KIAA1328: variants seen among roughly 807,000 people sequenced by gnomAD.
KIAA1328 encodes KIAA1328.
KIAA1328 carries 52 observed loss-of-function variants against 68.1 expected under a neutral mutation model. The ratio of observed to expected loss-of-function variants is 0.76; its 90% confidence interval spans 0.61 to 0.96. KIAA1328 has a LOEUF of 0.96. Ranked by LOEUF, KIAA1328 falls within the 40% of genes least tolerant of loss-of-function variation. The pLI is 0.00. For synonymous variants in KIAA1328, 232 were observed against 239.4 expected, an observed-to-expected ratio of 0.97 and a Z score of 0.28; for missense variants, 641 against 677.6, an observed-to-expected ratio of 0.95 and a Z score of 0.60.
intron 7 of KIAA1328, among the ~76,000 whole-genome samples, chr18:37,072,790 C>T (rs904565571): frequency 1.3e-5 from 2 of 152,082 alleles, no homozygotes; most frequent in African/African-American, 4.8e-5. Flanking sequence ...CCCCAACAGG[C>T]TCTGGTGTGT....
At chr18:37,192,516 G>A (rs886431102) in intron 9 of KIAA1328, among the ~76,000 whole-genome samples, 1 of 152,154 alleles carries the variant, frequency 6.6e-6, no homozygotes, top group Non-Finnish European at 1.5e-5. Context: ...AATTTACAAA[G>A]CAGGCACTTC....
At chr18:37,015,817 A>G (rs1340450747) in intron 6 of KIAA1328, among the ~76,000 whole-genome samples, 1 of 152,214 alleles carries the variant, frequency 6.6e-6, no homozygotes, top group African/African-American at 2.4e-5. Flanking sequence ...TTGTTGGTGT[A>G]TAGAAATGCT....
rs1025374678 is a variant in KIAA1328, at chr18:36,866,578, A to C, written c.333-18979A>C. ...ATGAACAAACACATTATATTTATAT[A>C]CTTTTTTCCCAATTATATCATATAA... On this transcript the variant is annotated intron_variant, in intron 4 of 9. Coordinates refer to ENST00000280020, the MANE Select transcript of KIAA1328 (RefSeq NM_020776.3). 2.1e-4 allele frequency among the ~76,000 whole-genome samples: 32 copies of C among 152,236 alleles called. 1 individual carries two copies. Among genetic ancestry groups the C allele is most frequent in the African/African-American group, 5.1e-4 (21 of 41,472 alleles).
At chr18:36,898,810 A>G (rs1369978077) in intron 5 of KIAA1328, among the ~76,000 whole-genome samples, 2 of 151,974 alleles carry the variant, frequency 1.3e-5, no homozygotes, top group Non-Finnish European at 2.9e-5. Context: ...TCCATTGTTG[A>G]ACTTAAAAAC....
At chr18:36,968,361 G>A (rs2052029717) in intron 6 of KIAA1328, among the ~76,000 whole-genome samples, 1 of 152,124 alleles carries the variant, frequency 6.6e-6, no homozygotes. Context: ...GGTATGTTGT[G>A]TTCAAGAGAC....
chr18:36,847,982 A>C (rs535019086), intron 4 of KIAA1328, among the ~76,000 whole-genome samples: 81 of 151,806 alleles, frequency 5.3e-4, no homozygotes, highest in Non-Finnish European at 1.0e-3. Flanking sequence ...TGACTTGATT[A>C]ATTTTATGTT....
chr18:36,980,576 A>AT (rs969961689), intron 6 of KIAA1328, among the ~76,000 whole-genome samples: 6 of 152,120 alleles, frequency 3.9e-5, no homozygotes, highest in Middle Eastern at 3.2e-3. Flanking sequence ...ATATCTGGTG[A>AT]TTTTTTTACC....
chr18:37,028,398 TTG>T (rs1473115589), intron 6 of KIAA1328, among the ~76,000 whole-genome samples: 1 of 152,140 alleles, frequency 6.6e-6, no homozygotes, highest in Non-Finnish European at 1.5e-5. Context: ...TCCTGAAACT[TTG>T]TTGAAGTTGT....
At chr18:37,212,675 A>C (rs541358049) in intron 9 of KIAA1328, among the ~76,000 whole-genome samples, 1 of 152,266 alleles carries the variant, frequency 6.6e-6, no homozygotes, top group African/African-American at 2.4e-5. Flanking sequence ...TAACTTGATT[A>C]ACCTTAAGTT....
chr18:37,174,372 C>A (rs2059556441), intron 9 of KIAA1328, among the ~76,000 whole-genome samples: 1 of 145,450 alleles, frequency 6.9e-6, no homozygotes, highest in Non-Finnish European at 1.5e-5. Flanking sequence ...ACTGTTGCTG[C>A]TTTCTTCCTT....
intron 8 of KIAA1328, 60 bp from the exon 9 acceptor site, chr18:37,172,913 G>C (rs1278837891): frequency 7.9e-7 from 1 of 1,263,446 alleles, no homozygotes; most frequent in African/African-American, 1.5e-5. Flanking sequence ...TTTACTAAGA[G>C]TGAACTTTTC....
chr18:37,136,253 AC>A (rs2058642087), intron 7 of KIAA1328, among the ~76,000 whole-genome samples: 2 of 152,276 alleles, frequency 1.3e-5, no homozygotes, highest in African/African-American at 4.8e-5. Context: ...ACAATCTTTA[AC>A]TAACCAACAT....
chr18:37,147,836 A>C (rs1350007762), intron 7 of KIAA1328, among the ~76,000 whole-genome samples: 1 of 152,150 alleles, frequency 6.6e-6, no homozygotes, highest in Non-Finnish European at 1.5e-5. Context: ...TGATAGGTAT[A>C]TGTTCTAAGA....
intron 6 of KIAA1328, among the ~76,000 whole-genome samples, chr18:36,961,802 G>A (rs2051687391): frequency 6.6e-6 from 1 of 152,190 alleles, no homozygotes; most frequent in Non-Finnish European, 1.5e-5. Context: ...CCTTACAAGA[G>A]CTCCTGAAGG....
chr18:37,161,670 A>T (rs996865659), intron 8 of KIAA1328, among the ~76,000 whole-genome samples: 7 of 152,248 alleles, frequency 4.6e-5, no homozygotes, highest in African/African-American at 1.4e-4. Flanking sequence ...GTTCTTAGTC[A>T]TTGCACTTTG....
At position 36,961,889 on chromosome 18, in the gene KIAA1328, A is replaced by G. The variant is rs942605120; in HGVS notation, c.576+2454A>G. Among the ~76,000 whole-genome samples the G allele has an allele frequency of 5.3e-5, 8 of 152,360 alleles. No homozygotes were observed. The East Asian group carries it at 1.2e-3, about 22-fold the overall frequency. ...CCAAATTGTAAAGACCATTGATGCT[A>G]TGAAGAAACTGCATCAATTATTGGG... On this transcript the variant is annotated intron_variant, in intron 6 of 9. Transcript: ENST00000280020.
chr18:37,059,145 C>T (rs556272174), intron 6 of KIAA1328, among the ~76,000 whole-genome samples: 10 of 151,938 alleles, frequency 6.6e-5, no homozygotes, highest in African/African-American at 2.2e-4. Context: ...ACCTCATTTT[C>T]CCATCTGTAA....
chr18:37,161,598 A>C (rs1419807099), intron 8 of KIAA1328, among the ~76,000 whole-genome samples: 6 of 152,236 alleles, frequency 3.9e-5, no homozygotes, highest in African/African-American at 1.4e-4. Context: ...TATGAGGTAG[A>C]ATCTTTACTT....
intron 9 of KIAA1328, among the ~76,000 whole-genome samples, chr18:37,186,851 GA>G: frequency 6.6e-6 from 1 of 152,152 alleles, no homozygotes; most frequent in Middle Eastern, 3.4e-3. Flanking sequence ...GGTGCATACT[GA>G]AAAAAGTATG....
Sources: gnomAD v4.1 joint callset for allele counts (sites outside exome capture counted in the v4.1 genomes callset) on GRCh38, gnomAD v4.1.1 for gene constraint, MANE v1.5 for transcripts, NCBI Gene and HGNC (gene_info 2026-07-23, HGNC 2026-07-21) for gene names.